SLC14A2: variants seen among roughly 807,000 people sequenced by gnomAD.
SLC14A2 encodes solute carrier family 14 member 2.
In SLC14A2, 91 loss-of-function variants were observed where a neutral mutation model predicts 104.6. The observed-to-expected ratio is 0.87, with a 90% CI of 0.73 to 1.04. The LOEUF (loss-of-function observed/expected upper bound fraction) is 1.04, where lower values mean the gene tolerates loss of function less well. Among genes scored for constraint, SLC14A2 ranks in the 50% least tolerant of loss-of-function variants. The pLI, the probability that SLC14A2 is intolerant of heterozygous loss-of-function variation, is 0.00. For missense variants in SLC14A2, 1,189 were observed against 1,156.0 expected (o/e 1.03, Z -0.41); for synonymous variants, 476 against 466.4 (o/e 1.02, Z -0.27).
chr18:45,669,186 C>T, intron 15 of SLC14A2, 120 bp from the exon 16 acceptor site: 1 of 798,160 alleles, frequency 1.3e-6, no homozygotes, highest in Non-Finnish European at 2.0e-6. Flanking sequence ...AGTCAGGCTC[C>T]AGAGAATACC....
At chr18:45,567,721 C>T (rs928258038) in intron 2 of SLC14A2, among the ~76,000 whole-genome samples, 15 of 151,948 alleles carry the variant, frequency 9.9e-5, no homozygotes, top group African/African-American at 2.4e-4. Context: ...CCACCTCTCT[C>T]GGCCTCTACC....
At chr18:45,565,439 T>G (rs1164992446) in intron 2 of SLC14A2, among the ~76,000 whole-genome samples, 1 of 152,194 alleles carries the variant, frequency 6.6e-6, no homozygotes, top group Admixed American at 6.5e-5. Flanking sequence ...TGCATGTGCT[T>G]CTACGTGAGC....
chr18:45,190,160 A>G, the SLC14A2 span, among the ~76,000 whole-genome samples: 1 of 152,228 alleles, frequency 6.6e-6, no homozygotes, highest in African/African-American at 2.4e-5. Context: ...TGATTTTTAT[A>G]ATTACTTGGG....
At chr18:45,471,398 C>T (rs998559390) in intron 1 of SLC14A2, among the ~76,000 whole-genome samples, 2 of 152,004 alleles carry the variant, frequency 1.3e-5, no homozygotes, top group East Asian at 1.9e-4. Context: ...TTTCCTGAGA[C>T]GGTTTATGTT....
chr18:45,668,556 T>TA, intron 15 of SLC14A2, 79 bp downstream of exon 15: 1 of 1,486,090 alleles, frequency 6.7e-7, no homozygotes, highest in Non-Finnish European at 9.3e-7. Context: ...ACCGTCTGTC[T>TA]AAACGTGATA....
intron 10 of SLC14A2, among the ~76,000 whole-genome samples, chr18:45,644,701 C>T (rs1359557858): frequency 6.6e-6 from 1 of 152,056 alleles, no homozygotes; most frequent in East Asian, 1.9e-4. Context: ...AGGGAATTAT[C>T]TAAATAAGGA....
chr18:45,618,696 AAAG>A (rs1555714272), intron 1 of SLC14A2, among the ~76,000 whole-genome samples: 10 of 144,374 alleles, frequency 6.9e-5, no homozygotes, highest in Non-Finnish European at 1.5e-4. Flanking sequence ...AAAAAAAAAA[AAAG>A]AAGTAGTAAA....
the SLC14A2 span, among the ~76,000 whole-genome samples, chr18:45,207,511 G>A: frequency 5.9e-5 from 9 of 152,146 alleles, no homozygotes; most frequent in African/African-American, 1.7e-4. Context: ...AATAATGTGT[G>A]TGCATATGGG....
At chr18:45,371,915 C>T (rs2085727027) in intron 1 of SLC14A2, among the ~76,000 whole-genome samples, 1 of 152,158 alleles carries the variant, frequency 6.6e-6, no homozygotes. Context: ...TTATCTGATG[C>T]AGAGTTAAGT....
chr18:45,583,658 T>A (rs1265785083), intron 2 of SLC14A2, among the ~76,000 whole-genome samples: 1 of 152,046 alleles, frequency 6.6e-6, no homozygotes, highest in Non-Finnish European at 1.5e-5. Flanking sequence ...CACATCCAGA[T>A]AAGAAATCTT....
intron 2 of SLC14A2, among the ~76,000 whole-genome samples, chr18:45,509,570 T>C (rs571940672): frequency 6.6e-6 from 1 of 152,180 alleles, no homozygotes; most frequent in Non-Finnish European, 1.5e-5. Flanking sequence ...TGTGACAGCA[T>C]TTCAGGTCAT....
At chr18:45,183,906 A>ATTTTTTTTTTTTTTTTTTTTTTT in the SLC14A2 span, among the ~76,000 whole-genome samples, 1 of 62,698 alleles carries the variant, frequency 1.6e-5, no homozygotes, top group Non-Finnish European at 2.7e-5. Flanking sequence ...TAATTTTCTA[A>ATTTTTTTTTTTTTTTTTTTTTTT]TTTTTTTTTT....
intron 10 of SLC14A2, among the ~76,000 whole-genome samples, chr18:45,651,154 C>CCA (rs1211592263): frequency 7.2e-5 from 11 of 152,102 alleles, no homozygotes; most frequent in African/African-American, 2.4e-4. Context: ...TGAGAAGGTA[C>CCA]CACAGTAAAC....
chr18:45,608,607 G>A (rs62090573), intron 2 of SLC14A2, among the ~76,000 whole-genome samples: 1 of 152,198 alleles, frequency 6.6e-6, no homozygotes, highest in Non-Finnish European at 1.5e-5. Flanking sequence ...GTGATGTCCA[G>A]ACAAATTCCA....
chr18:45,635,316 A>G (rs1161361846), intron 5 of SLC14A2, among the ~76,000 whole-genome samples: 2 of 152,216 alleles, frequency 1.3e-5, no homozygotes, highest in Non-Finnish European at 2.9e-5. Context: ...GATTTTTTAG[A>G]AGAGAGAGAA....
chr18:45,631,928 G>A (rs192909104), intron 4 of SLC14A2, among the ~76,000 whole-genome samples: 80 of 152,176 alleles, frequency 5.3e-4, no homozygotes, highest in African/African-American at 1.9e-3. Context: ...CAACTACAGA[G>A]AACTTTACAC....
chr18:45,625,997 C>T, intron 3 of SLC14A2, 134 bp downstream of exon 3: 2 of 577,500 alleles, frequency 3.5e-6, no homozygotes, highest in Non-Finnish European at 5.3e-6. Context: ...GACTGGACCT[C>T]ACCCAGGGCT....
At chr18:45,333,814 T>C (rs952099418) in intron 1 of SLC14A2, among the ~76,000 whole-genome samples, 1 of 152,216 alleles carries the variant, frequency 6.6e-6, no homozygotes, top group Non-Finnish European at 1.5e-5. Context: ...TAAGTGTTTA[T>C]TGAGTGCCAA....
intron 2 of SLC14A2, among the ~76,000 whole-genome samples, chr18:45,560,352 C>T (rs1483529707): frequency 6.6e-6 from 1 of 152,058 alleles, no homozygotes; most frequent in East Asian, 1.9e-4. Flanking sequence ...AGATGAAGAC[C>T]CCATCTCTAC....
Sources: allele counts gnomAD v4.1 joint callset (sites outside exome capture counted in the v4.1 genomes callset), GRCh38; gene constraint gnomAD v4.1.1; transcripts MANE v1.5; gene names NCBI Gene and HGNC (gene_info 2026-07-23, HGNC 2026-07-21).